Variants in GREB1L observed in about 807,000 individuals in gnomAD.
The protein encoded by GREB1L is GREB1 like retinoic acid receptor coactivator.
GREB1L carries 17 observed loss-of-function variants against 200.8 expected under a neutral mutation model. The observed-to-expected ratio is 0.08, with a 90% CI of 0.06 to 0.13. The LOEUF is 0.13. GREB1L is among the 10% of genes least tolerant of loss of function. GREB1L has a pLI of 1.00. For missense variants in GREB1L, 1,657 were observed against 2,367.7 expected, an observed-to-expected ratio of 0.70 and a Z score of 6.23; for synonymous variants, 789 against 893.0, an observed-to-expected ratio of 0.88 and a Z score of 2.08.
At chr18:21,431,962 G>A (rs1406081265) in intron 7 of GREB1L, among the ~76,000 whole-genome samples, 7 of 120,024 alleles carry the variant, frequency 5.8e-5, no homozygotes, top group Non-Finnish European at 1.1e-4. Flanking sequence ...TCACTCTGTC[G>A]CCCAGGCTGG....
At chr18:21,388,999 G>A (rs557847855) in intron 4 of GREB1L, among the ~76,000 whole-genome samples, 176 of 152,182 alleles carry the variant, frequency 1.2e-3, no homozygotes, top group Middle Eastern at 3.4e-3. Flanking sequence ...TGGCTGAGGG[G>A]CTGAAGGAGT....
chr18:21,485,244 A>G lies in GREB1L; in HGVS notation c.2557-376A>G, dbSNP rs1479298119. On this transcript the variant is annotated intron_variant, in intron 17 of 32. Transcript: ENST00000424526. ...GTTTCTGTAACAGAGGAGTTTGTCAATCTCTAGAGCGTTCTGAGGAAAGCC... is the reference window on the plus strand; with the variant it reads ...GTTTCTGTAACAGAGGAGTTTGTCAGTCTCTAGAGCGTTCTGAGGAAAGCC... The G allele has an allele frequency of 1.9e-5, 3 of 159,312 alleles. No individual in the cohort carries two copies. The East Asian group carries it at 5.5e-4, about 29-fold the overall frequency. The allele number at this position is 159,312 out of a possible 1,614,324, so 9.9% of individuals were successfully genotyped here.
chr18:21,464,280 A>G (rs1466720951), intron 15 of GREB1L, among the ~76,000 whole-genome samples: 1 of 152,184 alleles, frequency 6.6e-6, no homozygotes, highest in African/African-American at 2.4e-5. Flanking sequence ...CTGTAATCCC[A>G]GCACTTTGGG....
intron 1 of GREB1L, among the ~76,000 whole-genome samples, chr18:21,341,063 G>A (rs561490365): frequency 6.6e-6 from 1 of 152,282 alleles, no homozygotes; most frequent in East Asian, 1.9e-4. Flanking sequence ...TGATTATGAA[G>A]TAGTGAAGCA....
chr18:21,420,960 G>C (rs1239231436), intron 7 of GREB1L, among the ~76,000 whole-genome samples: 1 of 152,156 alleles, frequency 6.6e-6, no homozygotes, highest in Non-Finnish European at 1.5e-5. Context: ...CCATGACAAT[G>C]TGGATGAATC....
intron 1 of GREB1L, among the ~76,000 whole-genome samples, chr18:21,256,425 A>T (rs918351396): frequency 2.6e-5 from 4 of 152,212 alleles, no homozygotes; most frequent in African/African-American, 9.6e-5. Context: ...TAGGGTAGTC[A>T]TGACTAGCAG....
intron 7 of GREB1L, among the ~76,000 whole-genome samples, chr18:21,428,063 G>T (rs1370586194): frequency 6.6e-6 from 1 of 150,496 alleles, no homozygotes; most frequent in Non-Finnish European, 1.5e-5. Context: ...GGTGGCGGGC[G>T]CCTGTAGTCC....
intron 15 of GREB1L, among the ~76,000 whole-genome samples, chr18:21,461,473 C>T (rs1408026064): frequency 6.6e-6 from 1 of 152,162 alleles, no homozygotes; most frequent in South Asian, 2.1e-4. Context: ...AGTCACTCCC[C>T]GACACCTGGC....
At chr18:21,451,587 G>A (rs2034529319) in intron 13 of GREB1L, among the ~76,000 whole-genome samples, 1 of 148,252 alleles carries the variant, frequency 6.7e-6, no homozygotes, top group Admixed American at 6.8e-5. Flanking sequence ...CCCTCTTCAC[G>A]GGCTCAAGCG....
intron 17 of GREB1L, among the ~76,000 whole-genome samples, 166 bp downstream of exon 17, chr18:21,477,522 C>T (rs1370405073): frequency 6.6e-6 from 1 of 152,192 alleles, no homozygotes; most frequent in Non-Finnish European, 1.5e-5. Flanking sequence ...TGCGGTGGCT[C>T]ACACCTATAA....
chr18:21,488,166 C>T (rs940776877), intron 18 of GREB1L, among the ~76,000 whole-genome samples: 7 of 151,692 alleles, frequency 4.6e-5, no homozygotes, highest in African/African-American at 7.3e-5. Context: ...TAGCTGGGCG[C>T]ATGCCTGTAA....
At chr18:21,247,279 CTA>C (rs1157767827) in intron 1 of GREB1L, among the ~76,000 whole-genome samples, 1 of 152,192 alleles carries the variant, frequency 6.6e-6, no homozygotes, top group African/African-American at 2.4e-5. Flanking sequence ...AGAGAATTCA[CTA>C]TCTTTTCAAG....
intron 14 of GREB1L, among the ~76,000 whole-genome samples, chr18:21,453,416 T>A (rs997254665): frequency 6.6e-6 from 1 of 152,216 alleles, no homozygotes; most frequent in African/African-American, 2.4e-5. Flanking sequence ...AAAACATTAA[T>A]TAGCACAGGT....
intron 16 of GREB1L, among the ~76,000 whole-genome samples, chr18:21,474,301 G>A (rs532702235): frequency 1.3e-5 from 2 of 152,264 alleles, no homozygotes; most frequent in Admixed American, 6.5e-5. Context: ...ATAGAATGGG[G>A]GTACAGGCAT....
intron 1 of GREB1L, among the ~76,000 whole-genome samples, chr18:21,297,091 C>A (rs2038541848): frequency 6.6e-6 from 1 of 152,176 alleles, no homozygotes; most frequent in Admixed American, 6.5e-5. Context: ...GCCGCCCCAC[C>A]TGGAAGCTTT....
rs2034551399 is a variant in GREB1L, at chr18:21,452,030, A to G, written c.1850-53A>G. The G allele has an allele frequency of 7.2e-6, 11 of 1,529,136 alleles. No homozygotes were observed. The South Asian group carries it at 1.3e-4, about 19-fold the overall frequency. The allele number at this position is 1,529,136 out of a possible 1,614,324, so 94.7% of individuals were successfully genotyped here. A position where few individuals can be genotyped will look rare whatever the true frequency, so the allele number is the denominator to read the frequency against. On this transcript the variant is annotated intron_variant, in intron 13 of 32. Transcript: ENST00000424526. ...CTGCCCAACTTGGGCAGTTAATAAA[A>G]ATGAAACAAACATATCCTTCCTTGT...
At chr18:21,430,971 A>G (rs1183368498) in intron 7 of GREB1L, among the ~76,000 whole-genome samples, 2 of 149,578 alleles carry the variant, frequency 1.3e-5, no homozygotes, top group Admixed American at 1.3e-4. Context: ...AAGTTGTTGT[A>G]TGTTGTGTTT....
At chr18:21,463,807 C>T (rs1457028073) in intron 15 of GREB1L, among the ~76,000 whole-genome samples, 2 of 152,152 alleles carry the variant, frequency 1.3e-5, no homozygotes, top group African/African-American at 4.8e-5. Flanking sequence ...TATCTGTGAG[C>T]ACATGGAGCA....
intron 7 of GREB1L, among the ~76,000 whole-genome samples, chr18:21,431,574 A>G (rs909144600): frequency 2.3e-4 from 35 of 152,288 alleles, no homozygotes; most frequent in African/African-American, 8.4e-4. Flanking sequence ...GGTGCCCTTG[A>G]AAAGAATGTA....
Sources: allele counts gnomAD v4.1 joint callset (sites outside exome capture counted in the v4.1 genomes callset), GRCh38; gene constraint gnomAD v4.1.1; transcripts MANE v1.5; gene names NCBI Gene and HGNC (gene_info 2026-07-23, HGNC 2026-07-21).